Variants in EYS observed in about 807,000 individuals in gnomAD.
The protein encoded by EYS is EGF-like photoreceptor maintenance factor, also known as protein eyes shut homolog.
In EYS, 250 loss-of-function variants were observed where a neutral mutation model predicts 282.1. That is an observed-to-expected ratio of 0.89 (90% confidence interval 0.80 to 0.98). EYS has a LOEUF of 0.98. EYS is among the 50% of genes least tolerant of loss of function. EYS has a pLI of 0.00. For synonymous variants in EYS, 1,355 were observed against 1,282.9 expected, an observed-to-expected ratio of 1.06 and a Z score of -1.20; for missense variants, 4,016 against 3,709.0, an observed-to-expected ratio of 1.08 and a Z score of -2.15.
intron 28 of EYS, among the ~76,000 whole-genome samples, chr6:64,399,281 T>G (rs990417599): frequency 6.6e-6 from 1 of 151,728 alleles, no homozygotes; most frequent in African/African-American, 2.4e-5. Context: ...TAAAATTTTA[T>G]AAAAATAAAC....
intron 12 of EYS, among the ~76,000 whole-genome samples, chr6:65,213,291 G>C (rs1242278911): frequency 6.6e-6 from 1 of 152,186 alleles, no homozygotes; most frequent in Non-Finnish European, 1.5e-5. Flanking sequence ...CTGAATCCCA[G>C]CGGTGACCTT....
chr6:65,224,378 T>C (rs1038561182), intron 12 of EYS, among the ~76,000 whole-genome samples: 2 of 152,098 alleles, frequency 1.3e-5, no homozygotes, highest in Non-Finnish European at 2.9e-5. Flanking sequence ...GAAAAAGATA[T>C]ACAGTATGCC....
chr6:64,885,686 A>G (rs62417121), intron 19 of EYS, among the ~76,000 whole-genome samples: 40 of 151,906 alleles, frequency 2.6e-4, no homozygotes, highest in Non-Finnish European at 5.2e-4. Flanking sequence ...ACTTAATCTG[A>G]TAGTTTTTGT....
chr6:64,191,409 G>A (rs915793191), intron 31 of EYS, among the ~76,000 whole-genome samples: 3 of 151,764 alleles, frequency 2.0e-5, no homozygotes, highest in Non-Finnish European at 4.4e-5. Context: ...GTATACATGC[G>A]ACATGCTGGT....
At chr6:64,252,993 A>C (rs1767272651) in intron 30 of EYS, among the ~76,000 whole-genome samples, 1 of 152,096 alleles carries the variant, frequency 6.6e-6, no homozygotes, top group African/African-American at 2.4e-5. Flanking sequence ...AATGTGTTAG[A>C]GCCTTTAACA....
chr6:64,485,129 A>C (rs1776544734), intron 26 of EYS, among the ~76,000 whole-genome samples: 2 of 151,682 alleles, frequency 1.3e-5, no homozygotes, highest in Non-Finnish European at 3.0e-5. Flanking sequence ...CAAGGAAAGA[A>C]AGTGCTGCCT....
intron 15 of EYS, among the ~76,000 whole-genome samples, chr6:64,942,173 C>T (rs1003760848): frequency 2.0e-5 from 3 of 151,384 alleles, no homozygotes; most frequent in Non-Finnish European, 2.9e-5. Flanking sequence ...GAGATGTTGT[C>T]TCATTGCGGT....
intron 22 of EYS, among the ~76,000 whole-genome samples, chr6:64,776,312 C>T (rs1752373121): frequency 6.6e-6 from 1 of 151,990 alleles, no homozygotes; most frequent in South Asian, 2.1e-4. Context: ...TTAAATTACT[C>T]AGGAAATAGC....
At position 64,620,592 on chromosome 6, in the gene EYS, T is replaced by C. The variant is rs144540264; in HGVS notation, c.3569-3059A>G. Among the ~76,000 whole-genome samples, 687 of 152,258 alleles carry C rather than the reference T, an allele frequency of 4.5e-3. 4 individuals carry two copies. Among genetic ancestry groups the C allele is most frequent in the African/African-American group, 0.015 (636 of 41,540 alleles). On this transcript the variant is annotated intron_variant, in intron 23 of 42. Transcript: ENST00000503581. ...GATACTGAGTGTCAATCATACCCAT[T>C]AGTATGAAGAAACACGTAAGATGAA...
At chr6:65,081,228 C>G (rs1205160441) in intron 12 of EYS, among the ~76,000 whole-genome samples, 1 of 151,936 alleles carries the variant, frequency 6.6e-6, no homozygotes, top group African/African-American at 2.4e-5. Flanking sequence ...TTTTCTATAT[C>G]TCAGTAGCCC....
At chr6:64,506,416 A>G (rs564605188) in intron 26 of EYS, among the ~76,000 whole-genome samples, 7 of 152,296 alleles carry the variant, frequency 4.6e-5, no homozygotes, top group Non-Finnish European at 8.8e-5. Context: ...GTTAGTTCTA[A>G]TCTAACATTA....
chr6:63,829,753 C>T (rs1771574585), intron 36 of EYS, among the ~76,000 whole-genome samples: 2 of 152,208 alleles, frequency 1.3e-5, no homozygotes, highest in South Asian at 4.1e-4. Flanking sequence ...TGAGAATGGA[C>T]AGACTGCCTC....
intron 26 of EYS, among the ~76,000 whole-genome samples, chr6:64,499,896 C>A (rs1046092822): frequency 6.6e-6 from 1 of 152,032 alleles, no homozygotes; most frequent in Non-Finnish European, 1.5e-5. Context: ...ATTGAAGAGG[C>A]CTTTGGAAAG....
At chr6:64,303,275 G>GT (rs1346234503) in intron 30 of EYS, among the ~76,000 whole-genome samples, 2 of 152,190 alleles carry the variant, frequency 1.3e-5, no homozygotes, top group Admixed American at 1.3e-4. Flanking sequence ...AAAGTGCCAA[G>GT]TAACACTACA....
At chr6:64,203,853 T>G (rs1251203476) in intron 31 of EYS, among the ~76,000 whole-genome samples, 2 of 152,160 alleles carry the variant, frequency 1.3e-5, no homozygotes, top group African/African-American at 2.4e-5. Context: ...AATGAACAAG[T>G]ACTTTGAGGG....
intron 2 of EYS, among the ~76,000 whole-genome samples, chr6:65,635,926 C>T (rs920465682): frequency 6.6e-6 from 1 of 152,178 alleles, no homozygotes; most frequent in Non-Finnish European, 1.5e-5. Context: ...GCCACCCCAT[C>T]CCTTCCCTCA....
intron 22 of EYS, among the ~76,000 whole-genome samples, chr6:64,665,366 T>G (rs1295913543): frequency 6.6e-6 from 1 of 152,202 alleles, no homozygotes; most frequent in East Asian, 1.9e-4. Flanking sequence ...TTATCCAAAA[T>G]TGGATTTCAA....
At chr6:65,241,338 C>T (rs373009943) in intron 12 of EYS, among the ~76,000 whole-genome samples, 186 of 152,178 alleles carry the variant, frequency 1.2e-3, no homozygotes, top group Non-Finnish European at 1.7e-3. Flanking sequence ...TACAGTTACA[C>T]GCATAGCAAC....
In EYS at chr6:65,384,405, T is replaced by C; in HGVS notation, c.1280A>G (p.Asn427Ser). 1 of 1,602,542 alleles carries C rather than the reference T, an allele frequency of 6.2e-7. No homozygotes were observed. Among genetic ancestry groups the C allele is most frequent in the Non-Finnish European group, 8.5e-7 (1 of 1,171,580 alleles). ...ACTTACTTTGAATCTTCCAATTATA[T>C]TGAAACACCATTCTTCATTCAGACA... ...INCLNEEWCF[N>S]IIGRFKYVCI... is the part of the protein sequence containing the mutation. Residue 427 changes from asparagine (N) to serine (S), a missense_variant, in exon 8 of 43, where the codon AAT (asparagine) becomes AGT (serine). Physicochemically the swap from Asn to Ser is conservative, Grantham distance 46. Coordinates refer to ENST00000503581, the MANE Select transcript of EYS (RefSeq NM_001142800.2).
Sources: gnomAD v4.1 joint callset for allele counts (sites outside exome capture counted in the v4.1 genomes callset) on GRCh38, gnomAD v4.1.1 for gene constraint, MANE v1.5 for transcripts, NCBI Gene and HGNC (gene_info 2026-07-23, HGNC 2026-07-21) for gene names.